The following ZHX2 variants were observed in gnomAD, a reference collection of about 807,000 sequenced individuals.
The protein encoded by ZHX2 is zinc fingers and homeoboxes 2, also known as zinc fingers and homeoboxes protein 2.
A neutral mutation model predicts 21.9 loss-of-function variants in ZHX2; 6 were observed. The observed-to-expected ratio is 0.27, with a 90% CI of 0.15 to 0.54. The LOEUF is 0.54. Ranked by LOEUF, ZHX2 falls within the 20% of genes least tolerant of loss-of-function variation. ZHX2 has a pLI of 0.95. For synonymous variants in ZHX2, 434 were observed against 437.1 expected (o/e 0.99, Z 0.09); for missense variants, 908 against 1,090.7 (o/e 0.83, Z 2.36).
At chr8:122,833,131 A>G (rs1818415145) in intron 1 of ZHX2, among the ~76,000 whole-genome samples, 1 of 152,192 alleles carries the variant, frequency 6.6e-6, no homozygotes, top group African/African-American at 2.4e-5. Context: ...GGAATTGTGA[A>G]AAAGGCATTG....
At chr8:122,819,929 G>A (rs1159343425) in intron 1 of ZHX2, among the ~76,000 whole-genome samples, 1 of 152,160 alleles carries the variant, frequency 6.6e-6, no homozygotes, top group Admixed American at 6.5e-5. Flanking sequence ...CCTCGCCTTG[G>A]CTGGGCTGCC....
chr8:122,877,079 A>G (rs1819591195), intron 2 of ZHX2, among the ~76,000 whole-genome samples: 1 of 152,192 alleles, frequency 6.6e-6, no homozygotes, highest in African/African-American at 2.4e-5. Flanking sequence ...AGATGAGTGA[A>G]TAACTATAGT....
intron 1 of ZHX2, among the ~76,000 whole-genome samples, chr8:122,827,340 C>T (rs943310676): frequency 2.0e-5 from 3 of 151,994 alleles, no homozygotes; most frequent in African/African-American, 4.8e-5. Flanking sequence ...ACCCAGCCTA[C>T]GTAAGCTTTT....
At chr8:122,830,872 G>A (rs1354504094) in intron 1 of ZHX2, among the ~76,000 whole-genome samples, 2 of 152,212 alleles carry the variant, frequency 1.3e-5, no homozygotes, top group Admixed American at 6.5e-5. Context: ...GGGCAAAAGG[G>A]AGATGTTTTG....
chr8:122,952,099 A>G lies in ZHX2; in HGVS notation c.589A>G (p.Lys197Glu). 1 of 1,613,762 alleles carries G rather than the reference A, an allele frequency of 6.2e-7. No individual in the cohort carries two copies. The highest frequency in any genetic ancestry group is 8.5e-7 in the Non-Finnish European group (1 of 1,179,982). The change falls in exon 3 of 4, where the codon AAG (lysine) becomes GAG (glutamate). Residue 197 changes from lysine (K) to glutamate (E), a missense_variant. Lys to Glu is a moderately conservative substitution (Grantham distance 56). Transcript: ENST00000314393. This position sits in a 1 kb window ranked among gnomAD's most constrained non-coding sequence, Gnocchi z 6.9. ...MKPGKPKADA[K>E]KVPKKPEEIT... ...GCCTGGAAAACCAAAAGCGGATGCC[A>G]AGAAGGTGCCCAAGAAGCCCGAGGA...
chr8:122,887,555 A>G (rs1191992883), intron 2 of ZHX2, among the ~76,000 whole-genome samples: 2 of 152,144 alleles, frequency 1.3e-5, no homozygotes, highest in Non-Finnish European at 2.9e-5. Flanking sequence ...ATATATATAC[A>G]TATATACAAG....
At chr8:122,894,128 T>C (rs552042864) in intron 2 of ZHX2, among the ~76,000 whole-genome samples, 1 of 152,342 alleles carries the variant, frequency 6.6e-6, no homozygotes, top group Non-Finnish European at 1.5e-5. Context: ...CTGCAGGTTT[T>C]TGTGGAGACA....
intron 2 of ZHX2, among the ~76,000 whole-genome samples, chr8:122,942,620 G>A (rs1290763310): frequency 6.6e-6 from 1 of 152,110 alleles, no homozygotes; most frequent in East Asian, 1.9e-4. Context: ...ATCCTCCACT[G>A]CAGGAGGCCT....
chr8:122,853,257 G>A (rs1468146958), intron 1 of ZHX2, among the ~76,000 whole-genome samples: 1 of 152,168 alleles, frequency 6.6e-6, no homozygotes, highest in East Asian at 1.9e-4. Flanking sequence ...CTATGTGCCA[G>A]GAATTTTTCT....
rs548244265 is a variant in ZHX2, at chr8:122,877,269, A to C, written c.-220+13730A>C. Among the ~76,000 whole-genome samples, 4 of 152,382 alleles carry C rather than the reference A, an allele frequency of 2.6e-5. No individual in the cohort carries two copies. In the South Asian group the frequency reaches 8.3e-4, roughly 32 times the overall value. On this transcript the variant is annotated intron_variant, in intron 2 of 3. Transcript: ENST00000314393. ...ATAAACACATAAGAAGCACTAGAACAGTACTTAAAATACTTAAAACAGTGG... is the reference window on the plus strand; with the variant it reads ...ATAAACACATAAGAAGCACTAGAACCGTACTTAAAATACTTAAAACAGTGG...
At chr8:122,963,189 CTT>C (rs1813498959) in intron 3 of ZHX2, among the ~76,000 whole-genome samples, 1 of 152,028 alleles carries the variant, frequency 6.6e-6, no homozygotes, top group South Asian at 2.1e-4. Context: ...GTCATGAACT[CTT>C]TGCCTAGGCC....
chr8:122,849,892 C>T (rs1270057792), intron 1 of ZHX2, among the ~76,000 whole-genome samples: 1 of 152,158 alleles, frequency 6.6e-6, no homozygotes, highest in Non-Finnish European at 1.5e-5. Flanking sequence ...ATGCCCCGCA[C>T]AGAGCAAACG....
intron 1 of ZHX2, among the ~76,000 whole-genome samples, chr8:122,804,372 G>C (rs995160510): frequency 7.2e-5 from 11 of 152,296 alleles, no homozygotes; most frequent in Non-Finnish European, 1.3e-4. Flanking sequence ...GCATCCCAAA[G>C]TGCCCGGATT....
intron 1 of ZHX2, among the ~76,000 whole-genome samples, chr8:122,832,441 G>C (rs1251930859): frequency 6.6e-6 from 1 of 152,186 alleles, no homozygotes; most frequent in South Asian, 2.1e-4. Flanking sequence ...TGGAGGGTGG[G>C]TCCCTTAGAC....
intron 2 of ZHX2, among the ~76,000 whole-genome samples, chr8:122,942,684 G>A (rs1417546619): frequency 2.6e-5 from 4 of 151,704 alleles, no homozygotes; most frequent in Admixed American, 1.3e-4. Flanking sequence ...GGTCAAGAGC[G>A]GAGCCATGTA....
chr8:122,931,628 G>A (rs565943256), intron 2 of ZHX2, among the ~76,000 whole-genome samples: 6 of 152,166 alleles, frequency 3.9e-5, no homozygotes, highest in Admixed American at 1.3e-4. Flanking sequence ...CAGTCATTAC[G>A]CGCTGCAGCA....
chr8:122,858,358 G>A (rs555370835), intron 1 of ZHX2, among the ~76,000 whole-genome samples: 2 of 152,366 alleles, frequency 1.3e-5, no homozygotes, highest in African/African-American at 4.8e-5. Context: ...GACCCTCGGG[G>A]AGGGCATTTC....
chr8:122,918,215 T>C (rs1476697626), intron 2 of ZHX2, among the ~76,000 whole-genome samples: 1 of 152,210 alleles, frequency 6.6e-6, no homozygotes, highest in East Asian at 1.9e-4. Context: ...ATTACACTGT[T>C]CCAAGTCAGA....
At chr8:122,799,252 G>A (rs1213016370) in intron 1 of ZHX2, among the ~76,000 whole-genome samples, 2 of 152,210 alleles carry the variant, frequency 1.3e-5, no homozygotes, top group Non-Finnish European at 1.5e-5. Flanking sequence ...ATCTCCCCAC[G>A]CAGCTGCAAG....
Sources: gnomAD v4.1 joint callset for allele counts (sites outside exome capture counted in the v4.1 genomes callset) on GRCh38, gnomAD v4.1.1 for gene constraint, Gnocchi (gnomAD v3.1) non-coding constraint, MANE v1.5 for transcripts, NCBI Gene and HGNC (gene_info 2026-07-23, HGNC 2026-07-21) for gene names.